The following ANKRD7 variants were observed in gnomAD, a reference collection of about 807,000 sequenced individuals.
ANKRD7 encodes the protein ankyrin repeat domain 7, also known as ankyrin repeat domain-containing protein 7.
Under a neutral mutation model 30.8 loss-of-function variants are expected in ANKRD7, and 30 were observed. That is an observed-to-expected ratio of 0.97 (90% CI 0.73 to 1.32). The LOEUF (loss-of-function observed/expected upper bound fraction) is 1.32, where lower values mean the gene tolerates loss of function less well. Among genes scored for constraint, ANKRD7 ranks in the 40% most tolerant of loss-of-function variants. ANKRD7 has a pLI of 0.00. For missense variants in ANKRD7, 264 were observed against 295.7 expected (o/e 0.89, Z 0.79); for synonymous variants, 97 against 106.6 (o/e 0.91, Z 0.55).
At chr7:118,229,450 G>T (rs576616271) in intron 1 of ANKRD7, among the ~76,000 whole-genome samples, 1 of 152,134 alleles carries the variant, frequency 6.6e-6, no homozygotes, top group African/African-American at 2.4e-5. Context: ...TTTGTTTGCT[G>T]ATATATCCTC....
chr7:118,241,312 TC>T (rs1809838271), intron 6 of ANKRD7, among the ~76,000 whole-genome samples: 1 of 151,696 alleles, frequency 6.6e-6, no homozygotes, highest in East Asian at 1.9e-4. Flanking sequence ...AGCAGACTCC[TC>T]CACTACAATT....
intron 1 of ANKRD7, among the ~76,000 whole-genome samples, chr7:118,225,352 G>A (rs1809523180): frequency 6.6e-6 from 1 of 152,056 alleles, no homozygotes; most frequent in African/African-American, 2.4e-5. Context: ...GTGGGGCGTG[G>A]TGGCGGACGC....
At chr7:118,241,455 T>G (rs1413967509) in intron 6 of ANKRD7, among the ~76,000 whole-genome samples, 1 of 150,578 alleles carries the variant, frequency 6.6e-6, no homozygotes, top group Non-Finnish European at 1.5e-5. Flanking sequence ...GTGATAATGC[T>G]TACAACAATG....
intron 1 of ANKRD7, among the ~76,000 whole-genome samples, chr7:118,225,349 G>A (rs960260293): frequency 6.6e-6 from 1 of 152,036 alleles, no homozygotes; most frequent in Non-Finnish European, 1.5e-5. Context: ...TTAGTGGGGC[G>A]TGGTGGCGGA....
At chr7:118,234,595 G>A (rs901604094) in intron 2 of ANKRD7, 50 bp downstream of exon 2, 2 of 1,555,822 alleles carry the variant, frequency 1.3e-6, no homozygotes, top group Non-Finnish European at 1.7e-6. Flanking sequence ...AGTTCTCCTA[G>A]TTAATTTTTG....
Position 118,239,937 on chromosome 7 carries a change from T to C in ANKRD7, c.741T>C (p.His247=). The part of the protein sequence containing the change: ...LHRYPQFTAS[H]GKKKHAK ...GATACCCACAATTCACTGCGAGCCA[T>C]GGAAAGAAGAAACATGCTAAATAGA... Residue 247 remains histidine, a synonymous_variant, in exon 6 of 7, where the codon CAT becomes CAC. Transcript: ENST00000265224. 1.3e-6 allele frequency: 2 copies of C among 1,598,374 alleles called. No homozygotes were observed. The highest frequency in any genetic ancestry group is 1.7e-6 in the Non-Finnish European group (2 of 1,170,098).
In ANKRD7 at chr7:118,236,058, A is replaced by G. The variant is rs1018046542; in HGVS notation, c.486A>G (p.Leu162=). Residue 162 remains leucine, a synonymous_variant, in exon 4 of 7, where the codon CTA becomes CTG. Transcript: ENST00000265224. ...EAKNKDGYTP[L]LVAVINNNPK... ...TTTTTCAGGATGGGTATACTCCACT[A>G]TTAGTTGCCGTTATTAACAATAATC... The G allele has an allele frequency of 1.3e-6, 2 of 1,590,832 alleles. No individual in the cohort carries two copies. The highest frequency in any genetic ancestry group is 1.7e-6 in the Non-Finnish European group (2 of 1,161,526).
At chr7:118,237,205 G>A (rs912385058) in intron 5 of ANKRD7, among the ~76,000 whole-genome samples, 3 of 152,136 alleles carry the variant, frequency 2.0e-5, no homozygotes, top group African/African-American at 4.8e-5. Context: ...AAACATATAG[G>A]TGATAGAGTT....
At chr7:118,236,973 T>A in intron 5 of ANKRD7, 47 bp downstream of exon 5, 1 of 1,598,096 alleles carries the variant, frequency 6.3e-7, no homozygotes, top group South Asian at 1.1e-5. Context: ...GGTTTGATTA[T>A]AAGGATCAAA....
At position 118,228,043 on chromosome 7, in the gene ANKRD7, C is replaced by T. The variant is rs369170799; in HGVS notation, c.179+3034C>T. 1.5e-5 allele frequency: 20 copies of T among 1,291,996 alleles called. No individual in the cohort carries two copies. The African/African-American group carries it at 2.9e-4, about 19-fold the overall frequency. 80.0% of individuals were successfully genotyped at this position (1,291,996 alleles called of 1,614,324 possible). On this transcript the variant is annotated intron_variant, in intron 1 of 6. Coordinates refer to ENST00000265224, the MANE Select transcript of ANKRD7 (RefSeq NM_019644.4). Reference sequence around the variant, plus strand: ...ATTCAGGGGTCAGTTTTTAGTCTTACCTTGCTGGCCTGTCAGCAAAGTATT... The same window carrying T: ...ATTCAGGGGTCAGTTTTTAGTCTTATCTTGCTGGCCTGTCAGCAAAGTATT...
intron 3 of ANKRD7, among the ~76,000 whole-genome samples, chr7:118,235,564 A>C (rs1562873501): frequency 7.0e-6 from 1 of 142,342 alleles, no homozygotes; most frequent in Non-Finnish European, 1.5e-5. Flanking sequence ...GTGAGCCAAG[A>C]TTGCGCCACT....
rs115479236 is a variant in ANKRD7 at position 118,242,115 on chromosome 7, A to G, written c.*38-234A>G. Among the ~76,000 whole-genome samples the G allele has an allele frequency of 5.2e-3, 785 of 152,372 alleles. 7 individuals carry two copies. Among genetic ancestry groups the G allele is most frequent in the African/African-American group, 0.017 (706 of 41,586 alleles). On this transcript the variant is annotated intron_variant, in intron 6 of 6. Transcript: ENST00000265224. Reference sequence around the variant, plus strand: ...AATCTTAATTAATGTTTTAAAGCGTAGATTTATTGTGTCAAGAAAATTACC... The same window carrying G: ...AATCTTAATTAATGTTTTAAAGCGTGGATTTATTGTGTCAAGAAAATTACC...
chr7:118,241,288 T>C (rs1197562694), intron 6 of ANKRD7, among the ~76,000 whole-genome samples: 1 of 151,714 alleles, frequency 6.6e-6, no homozygotes, highest in Admixed American at 6.6e-5. Flanking sequence ...AACTCTCCTC[T>C]GTATTCACTA....
chr7:118,225,396 G>C (rs1398584202), intron 1 of ANKRD7, among the ~76,000 whole-genome samples: 8 of 151,676 alleles, frequency 5.3e-5, no homozygotes, highest in Non-Finnish European at 1.5e-5. Context: ...GCTGAGGTAG[G>C]AGAATCACTT....
intron 1 of ANKRD7, among the ~76,000 whole-genome samples, chr7:118,230,766 G>C (rs1809623466): frequency 6.6e-6 from 1 of 151,946 alleles, no homozygotes; most frequent in South Asian, 2.1e-4. Flanking sequence ...TAGATAGAGT[G>C]AGATGGTCAT....
chr7:118,227,036 TA>T (rs2115993924), intron 1 of ANKRD7, among the ~76,000 whole-genome samples: 1 of 152,268 alleles, frequency 6.6e-6, no homozygotes, highest in East Asian at 1.9e-4. Flanking sequence ...ATGTTACTCT[TA>T]TAGTTCCTTT....
At chr7:118,230,771 G>A (rs1293640140) in intron 1 of ANKRD7, among the ~76,000 whole-genome samples, 3 of 151,808 alleles carry the variant, frequency 2.0e-5, no homozygotes, top group Non-Finnish European at 4.4e-5. Context: ...AGAGTGAGAT[G>A]GTCATTGGGA....
At chr7:118,235,179 A>C (rs1427893439) in intron 3 of ANKRD7, among the ~76,000 whole-genome samples, 1 of 152,212 alleles carries the variant, frequency 6.6e-6, no homozygotes, top group Non-Finnish European at 1.5e-5. Flanking sequence ...TATTGATAAA[A>C]ATCATAAAAC....
At chr7:118,239,049 C>G (rs895672899) in intron 5 of ANKRD7, among the ~76,000 whole-genome samples, 1 of 152,088 alleles carries the variant, frequency 6.6e-6, no homozygotes. Flanking sequence ...GGTGCTCATG[C>G]TCAGAGGGAT....
Sources: gnomAD v4.1 joint callset for allele counts (sites outside exome capture counted in the v4.1 genomes callset) on GRCh38, gnomAD v4.1.1 for gene constraint, MANE v1.5 for transcripts, NCBI Gene and HGNC (gene_info 2026-07-23, HGNC 2026-07-21) for gene names.